The following RBAK variants were observed in gnomAD, a reference collection of about 807,000 sequenced individuals.
RBAK encodes RB associated KRAB zinc finger, also known as RB-associated KRAB zinc finger protein.
Under a neutral mutation model 65.8 loss-of-function variants are expected in RBAK, and 39 were observed. That is an observed-to-expected ratio of 0.59 (90% CI 0.46 to 0.77). The LOEUF (loss-of-function observed/expected upper bound fraction) is 0.77. RBAK is among the 30% of genes least tolerant of loss of function. The pLI, the probability that RBAK is intolerant of heterozygous loss-of-function variation, is 0.00. For missense variants in RBAK, 884 were observed against 855.1 expected, an observed-to-expected ratio of 1.03 and a Z score of -0.42; for synonymous variants, 343 against 289.7, an observed-to-expected ratio of 1.18 and a Z score of -1.87.
Position 5,065,020 on chromosome 7 carries a change from G to A in RBAK, c.1564G>A (p.Val522Ile), listed in dbSNP as rs772258734. The change falls in exon 5 of 5, where the codon GTA becomes ATA. Residue 522 changes from valine (V) to isoleucine (I), a missense_variant. Physicochemically the swap from Val to Ile is conservative, Grantham distance 29. Transcript: ENST00000396912. This position sits in a 1 kb window ranked among gnomAD's most constrained non-coding sequence, Gnocchi z 5.3. ...TAATGAATGTGGGAAAACCTTCCTT[G>A]TAAATTCAGCCTTCGATGGGCACCA... ...ECNECGKTFLVNSAFDGHQPL... is the reference protein window; with the variant it reads ...ECNECGKTFLINSAFDGHQPL... 2 of 1,613,102 alleles carry A rather than the reference G, an allele frequency of 1.2e-6. No homozygotes were observed. The highest frequency in any genetic ancestry group is 1.7e-6 in the Non-Finnish European group (2 of 1,179,654).
chr7:5,053,487 G>A (rs1788159552), intron 2 of RBAK, among the ~76,000 whole-genome samples: 1 of 151,942 alleles, frequency 6.6e-6, no homozygotes, highest in African/African-American at 2.4e-5. Context: ...CTGTTTTGGG[G>A]ATCACTGAAC....
Position 5,065,688 on chromosome 7 carries a change from G to C in RBAK, c.*87G>C. On this transcript the variant is annotated 3_prime_UTR_variant, in exon 5 of 5. Transcript: ENST00000396912. The surrounding 1 kb of genome is among the most constrained non-coding windows in gnomAD (Gnocchi z 5.3). Reference sequence around the variant, plus strand: ...AGTCAAAGCGTTTATCTGAGAGTTCGTGTTCCTGAACGGTGAGAAGCATTT... The same window carrying C: ...AGTCAAAGCGTTTATCTGAGAGTTCCTGTTCCTGAACGGTGAGAAGCATTT... The C allele has an allele frequency of 1.9e-6, 2 of 1,029,208 alleles. No homozygotes were observed. The highest frequency in any genetic ancestry group is 2.7e-5 in the East Asian group (1 of 37,662). The allele number at this position is 1,029,208 out of a possible 1,614,324, so 63.8% of individuals were successfully genotyped here. A position where few individuals can be genotyped will look rare whatever the true frequency, so the allele number is the denominator to read the frequency against.
rs73673277 is a variant in RBAK at position 5,057,006 on chromosome 7, G to A, written c.16-289G>A. On this transcript the variant is annotated intron_variant, in intron 2 of 4. Transcript: ENST00000396912. Reference sequence around the variant, plus strand: ...ATCTCATGTCCCCAAAGCTCAGCTAGTTCACTTGCAAAATAGGAGCTCAGT... The same window carrying A: ...ATCTCATGTCCCCAAAGCTCAGCTAATTCACTTGCAAAATAGGAGCTCAGT... 737 of 157,090 alleles carry A rather than the reference G, an allele frequency of 4.7e-3. 9 individuals are homozygous for A. The highest frequency in any genetic ancestry group is 0.017 in the African/African-American group (716 of 41,446). 9.7% of individuals were successfully genotyped at this position (157,090 alleles called of 1,614,324 possible).
At chr7:5,059,622 T>TAAACTTTAAACTTTA (rs1779019817) in intron 4 of RBAK, among the ~76,000 whole-genome samples, 1 of 152,262 alleles carries the variant, frequency 6.6e-6, no homozygotes, top group Non-Finnish European at 1.5e-5. Context: ...GCTTTACATT[T>TAAACTTTAAACTTTA]GAACTGAAAA....
rs1239239018 is a variant in RBAK at position 5,067,872 on chromosome 7, T to C, written c.*2271T>C. 1 of 152,152 alleles carries C rather than the reference T, an allele frequency of 6.6e-6. No homozygotes were observed. Among genetic ancestry groups the C allele is most frequent in the African/African-American group, 2.4e-5 (1 of 41,436 alleles). 9.4% of individuals were successfully genotyped at this position (152,152 alleles called of 1,614,324 possible). ...GTAAATGTACTTTGCCAATAAAATT[T>C]TGTAATTTGATAAAAAGTTATTTGG... is the stretch of plus-strand genomic sequence containing the variant. On this transcript the variant is annotated 3_prime_UTR_variant, in exon 5 of 5. Transcript: ENST00000396912.
At chr7:5,057,005 A>C in intron 2 of RBAK, 2 of 155,526 alleles carry the variant, frequency 1.3e-5, no homozygotes, top group Non-Finnish European at 2.8e-5. Flanking sequence ...AAGCTCAGCT[A>C]GTTCACTTGC....
chr7:5,054,872 T>G (rs1323855666), intron 2 of RBAK, among the ~76,000 whole-genome samples: 1 of 152,188 alleles, frequency 6.6e-6, no homozygotes. Flanking sequence ...GTTGCATATT[T>G]ATAAAGTAAT....
chr7:5,046,754 A>G (rs1378641518), intron 1 of RBAK, among the ~76,000 whole-genome samples: 1 of 151,984 alleles, frequency 6.6e-6, no homozygotes, highest in Non-Finnish European at 1.5e-5. Flanking sequence ...CCCCCCTTAG[A>G]TCTGCCCTGG....
intron 2 of RBAK, among the ~76,000 whole-genome samples, chr7:5,052,194 G>T (rs1788131041): frequency 6.6e-6 from 1 of 152,146 alleles, no homozygotes. Context: ...AGTAATGCAT[G>T]CATGGTATAT....
chr7:5,048,958 C>T lies in RBAK; in HGVS notation c.15+867C>T, dbSNP rs927028342. ...CAAAAGGGAAATTGCCCCCATGATC[C>T]AATCACCTCCCACCAGGCCCCACCT... On this transcript the variant is annotated intron_variant, in intron 2 of 4. Transcript: ENST00000396912. The surrounding 1 kb of genome is among the most constrained non-coding windows in gnomAD (Gnocchi z 4.4). 3.3e-5 allele frequency among the ~76,000 whole-genome samples: 5 copies of T among 152,210 alleles called. No individual in the cohort carries two copies. The highest frequency in any genetic ancestry group is 7.3e-5 in the Non-Finnish European group (5 of 68,040).
rs766120034 is a variant in RBAK at position 5,065,358 on chromosome 7, G to C, written c.1902G>C (p.Arg634=). The C allele has an allele frequency of 6.2e-7, 1 of 1,613,462 alleles. No homozygotes were observed. Among genetic ancestry groups the C allele is most frequent in the Admixed American group, 1.7e-5 (1 of 59,978 alleles). ...ECSKCGKVFS[R]MSNLTVHYRS... is the part of the protein sequence containing the mutation. ...GTAAATGTGGAAAAGTCTTCTCTCGGATGTCAAACCTCACTGTCCACTACA... is the reference window on the plus strand; with the variant it reads ...GTAAATGTGGAAAAGTCTTCTCTCGCATGTCAAACCTCACTGTCCACTACA... The change falls in exon 5 of 5, where the codon CGG becomes CGC. Residue 634 remains arginine, a synonymous_variant. Transcript: ENST00000396912. The surrounding 1 kb of genome is among the most constrained non-coding windows in gnomAD (Gnocchi z 5.3).
At chr7:5,058,355 C>G (rs1190041579) in intron 4 of RBAK, among the ~76,000 whole-genome samples, 3 of 152,114 alleles carry the variant, frequency 2.0e-5, no homozygotes, top group Non-Finnish European at 4.4e-5. Flanking sequence ...GATTACAGTC[C>G]TGAGGCTCCC....
chr7:5,046,712 C>T (rs1371145610), intron 1 of RBAK, among the ~76,000 whole-genome samples: 2 of 152,194 alleles, frequency 1.3e-5, no homozygotes, highest in East Asian at 1.9e-4. Context: ...TCCGTCAGCG[C>T]CTCTGTTCTC....
Position 5,063,785 on chromosome 7 carries a change from T to C in RBAK, c.329T>C (p.Leu110Pro), listed in dbSNP as rs1171087990. The C allele has an allele frequency of 2.5e-6, 4 of 1,613,948 alleles. No individual in the cohort carries two copies. The highest frequency in any genetic ancestry group is 3.4e-6 in the Non-Finnish European group (4 of 1,179,944). ...RQAACINSKT[L>P]TEEKENTFSQ... ...GCTGCTTGTATCAATAGCAAAACCC[T>C]GACTGAAGAGAAAGAGAATACATTT... The change falls in exon 5 of 5, where the codon CTG (leucine) becomes CCG (proline). Residue 110 changes from leucine (L) to proline (P), a missense_variant. By Grantham distance (98) the Leu-to-Pro change is moderately conservative (BLOSUM62 -3). Coordinates refer to ENST00000396912, the MANE Select transcript of RBAK (RefSeq NM_021163.4).
chr7:5,060,638 T>A (rs1031334822), intron 4 of RBAK, among the ~76,000 whole-genome samples: 1 of 152,218 alleles, frequency 6.6e-6, no homozygotes, highest in African/African-American at 2.4e-5. Context: ...AGGAGTCAAA[T>A]TGAATGAGGA....
chr7:5,054,515 G>C (rs982771222), intron 2 of RBAK, among the ~76,000 whole-genome samples: 1 of 151,992 alleles, frequency 6.6e-6, no homozygotes, highest in Admixed American at 6.6e-5. Context: ...TTTCAGGTTG[G>C]AGGGTATATC....
chr7:5,063,574 T>C (rs1779132704), intron 4 of RBAK, 121 bp from the exon 5 acceptor site: 4 of 716,318 alleles, frequency 5.6e-6, no homozygotes, highest in South Asian at 2.1e-5. Flanking sequence ...ATTATTTTTA[T>C]TTATGGAGAT....
intron 2 of RBAK, among the ~76,000 whole-genome samples, chr7:5,052,712 A>G (rs541438271): frequency 3.3e-5 from 5 of 152,134 alleles, no homozygotes; most frequent in East Asian, 3.9e-4. Flanking sequence ...CACAGAATCT[A>G]TTACGTTGTT....
Position 5,048,039 on chromosome 7 carries a change from C to T in RBAK, c.-38C>T, listed in dbSNP as rs752055921. On this transcript the variant is annotated 5_prime_UTR_variant, in exon 2 of 5. Transcript: ENST00000396912. This position sits in a 1 kb window ranked among gnomAD's most constrained non-coding sequence, Gnocchi z 4.4. ...CCTGCTTCTCCCCCTCTAGGTCTAC[C>T]AGCCACAGTCTCTGCACGTTTCCAA... 6.4e-7 allele frequency: 1 copy of T among 1,563,928 alleles called. No individual in the cohort carries two copies. Among genetic ancestry groups the T allele is most frequent in the East Asian group, 2.2e-5 (1 of 44,496 alleles).
Sources: gnomAD v4.1 joint callset for allele counts (sites outside exome capture counted in the v4.1 genomes callset) on GRCh38, gnomAD v4.1.1 for gene constraint, Gnocchi (gnomAD v3.1) non-coding constraint, MANE v1.5 for transcripts, NCBI Gene and HGNC (gene_info 2026-07-23, HGNC 2026-07-21) for gene names.